The following PSMA1 variants were observed in gnomAD, a reference collection of about 807,000 sequenced individuals.
The protein encoded by PSMA1 is proteasome 20S subunit alpha 1.
A neutral mutation model predicts 38.4 loss-of-function variants in PSMA1; 3 were observed. The observed-to-expected ratio is 0.08, with a 90% CI of 0.04 to 0.20. The LOEUF (loss-of-function observed/expected upper bound fraction) is 0.20, where lower values mean the gene tolerates loss of function less well. PSMA1 is among the 10% of genes least tolerant of loss of function. PSMA1 has a pLI of 1.00. For synonymous variants in PSMA1, 101 were observed against 107.1 expected (o/e 0.94, Z 0.35); for missense variants, 227 against 325.3 (o/e 0.70, Z 2.32).
intron 2 of PSMA1, among the ~76,000 whole-genome samples, chr11:14,595,720 T>C (rs1852482410): frequency 6.6e-6 from 1 of 152,276 alleles, no homozygotes; most frequent in Non-Finnish European, 1.5e-5. Context: ...GTAGTTTCTT[T>C]TGCTGTGCAG....
intron 2 of PSMA1, among the ~76,000 whole-genome samples, chr11:14,545,667 A>G (rs1352620465): frequency 6.6e-6 from 1 of 152,220 alleles, no homozygotes; most frequent in African/African-American, 2.4e-5. Context: ...TTAACACATT[A>G]AATTATAAGG....
chr11:14,604,270 C>T (rs1250401727), intron 2 of PSMA1, among the ~76,000 whole-genome samples: 3 of 152,144 alleles, frequency 2.0e-5, no homozygotes, highest in African/African-American at 7.2e-5. Context: ...CTATGTTGCC[C>T]AGGCTGGTCT....
intron 2 of PSMA1, among the ~76,000 whole-genome samples, chr11:14,532,404 A>G (rs1302713545): frequency 6.6e-6 from 1 of 151,770 alleles, no homozygotes; most frequent in African/African-American, 2.4e-5. Flanking sequence ...CAGGAGTTCG[A>G]GATCAGCCTG....
At chr11:14,556,862 GA>G (rs1232138802) in intron 2 of PSMA1, among the ~76,000 whole-genome samples, 1 of 152,144 alleles carries the variant, frequency 6.6e-6, no homozygotes, top group Non-Finnish European at 1.5e-5. Flanking sequence ...AGAACTGGGG[GA>G]CTTGCTCTGT....
intron 2 of PSMA1, among the ~76,000 whole-genome samples, chr11:14,556,418 TC>T (rs1220551382): frequency 6.6e-6 from 1 of 152,192 alleles, no homozygotes; most frequent in Non-Finnish European, 1.5e-5. Context: ...AAGGGTTTTT[TC>T]CCCTCCTCTC....
At chr11:14,605,918 T>C (rs1430563812) in intron 2 of PSMA1, among the ~76,000 whole-genome samples, 1 of 152,228 alleles carries the variant, frequency 6.6e-6, no homozygotes, top group Non-Finnish European at 1.5e-5. Flanking sequence ...GCTTTTGCTG[T>C]AATTGCTTTT....
chr11:14,575,519 C>T (rs2134180617), intron 2 of PSMA1, among the ~76,000 whole-genome samples: 1 of 151,446 alleles, frequency 6.6e-6, no homozygotes, highest in South Asian at 2.1e-4. Flanking sequence ...GTTTGGTTTT[C>T]TGTCCTTGGG....
At chr11:14,642,586 T>C (rs1024986869) in intron 1 of PSMA1, among the ~76,000 whole-genome samples, 3 of 152,178 alleles carry the variant, frequency 2.0e-5, no homozygotes, top group African/African-American at 7.2e-5. Flanking sequence ...ATGGGCCTGT[T>C]TGTGGGATTT....
chr11:14,606,874 C>G (rs192327211), intron 2 of PSMA1, among the ~76,000 whole-genome samples: 1 of 152,200 alleles, frequency 6.6e-6, no homozygotes, highest in East Asian at 1.9e-4. Flanking sequence ...TGCTAAAGGC[C>G]AGAATTGAGG....
intron 8 of PSMA1, 84 bp from the exon 9 acceptor site, chr11:14,507,850 G>T: frequency 1.1e-6 from 1 of 931,264 alleles, no homozygotes; most frequent in Non-Finnish European, 1.7e-6. Context: ...GAAAAAAGCA[G>T]AATAAGAATT....
intron 2 of PSMA1, among the ~76,000 whole-genome samples, chr11:14,574,243 A>T (rs1852185246): frequency 6.6e-6 from 1 of 152,190 alleles, no homozygotes; most frequent in Non-Finnish European, 1.5e-5. Context: ...CCTTCACAAC[A>T]GCCTCTCTTA....
At chr11:14,522,963 G>A (rs1348181646), upstream of PSMA1, among the ~76,000 whole-genome samples, 2 of 152,092 alleles carry the variant, frequency 1.3e-5, no homozygotes, top group African/African-American at 4.8e-5. Context: ...GCATATAGTA[G>A]GCACTCACTA....
chr11:14,629,601 T>G (rs1309389814), intron 1 of PSMA1, among the ~76,000 whole-genome samples: 3 of 152,234 alleles, frequency 2.0e-5, no homozygotes, highest in Non-Finnish European at 4.4e-5. Flanking sequence ...TCAGGTAGTG[T>G]GATGCCTCCA....
chr11:14,513,739 T>C (rs1851382935), intron 6 of PSMA1, 40 bp from the exon 7 acceptor site: 1 of 1,550,912 alleles, frequency 6.4e-7, no homozygotes, highest in South Asian at 1.2e-5. Flanking sequence ...TTATTTACTT[T>C]GGTTGAACTA....
intron 2 of PSMA1, among the ~76,000 whole-genome samples, chr11:14,531,602 G>C (rs778813140): frequency 6.6e-6 from 1 of 152,094 alleles, no homozygotes; most frequent in Non-Finnish European, 1.5e-5. Flanking sequence ...TGGGATCACA[G>C]TTCTGTGCCA....
chr11:14,598,268 T>C (rs1301938901), intron 2 of PSMA1, among the ~76,000 whole-genome samples: 1 of 152,202 alleles, frequency 6.6e-6, no homozygotes, highest in Non-Finnish European at 1.5e-5. Context: ...TAAGGTCCGC[T>C]TGGTGCAGAG....
At chr11:14,558,187 G>A (rs1011149418) in intron 2 of PSMA1, among the ~76,000 whole-genome samples, 9 of 150,770 alleles carry the variant, frequency 6.0e-5, no homozygotes, top group Non-Finnish European at 1.0e-4. Context: ...CCACGGTGGG[G>A]GGACTGCTTA....
chr11:14,631,224 C>T (rs1273737667), intron 1 of PSMA1, among the ~76,000 whole-genome samples: 1 of 152,086 alleles, frequency 6.6e-6, no homozygotes, highest in African/African-American at 2.4e-5. Context: ...AATGAGTTTG[C>T]TCTTGCTTTT....
chr11:14,534,809 C>T lies in PSMA1; in HGVS notation c.22-15768G>A, dbSNP rs536797324. Among the ~76,000 whole-genome samples the T allele has an allele frequency of 1.1e-4, 16 of 152,258 alleles. No homozygotes were observed. In the East Asian group the frequency reaches 2.5e-3, roughly 24 times the overall value. ...AAACCTGCTTATAGGAGGCCAGGTG[C>T]GGTGGCTCACGCCTGTAATCCCAGC... is the stretch of plus-strand genomic sequence containing the variant. On this transcript the variant is annotated intron_variant, in intron 2 of 10. Transcript: ENST00000418988. This position sits in a 1 kb window ranked among gnomAD's most constrained non-coding sequence, Gnocchi z 4.5.
Sources: allele counts gnomAD v4.1 joint callset (sites outside exome capture counted in the v4.1 genomes callset), GRCh38; gene constraint gnomAD v4.1.1; non-coding constraint Gnocchi (gnomAD v3.1); transcripts MANE v1.5; gene names NCBI Gene and HGNC (gene_info 2026-07-23, HGNC 2026-07-21).